HS3ST5: variants seen among roughly 807,000 people sequenced by gnomAD.
The protein encoded by HS3ST5 is heparan sulfate-glucosamine 3-sulfotransferase 5.
HS3ST5 carries 10 observed loss-of-function variants against 25.4 expected under a neutral mutation model. The ratio of observed to expected loss-of-function variants is 0.39; its 90% CI spans 0.24 to 0.67. The LOEUF is 0.67. HS3ST5 is among the 30% of genes least tolerant of loss of function. The probability of loss-of-function intolerance (pLI) is 0.44; values close to 1 mark genes in which losing one functional copy is unlikely to be tolerated. For missense variants in HS3ST5, 324 were observed against 420.7 expected, an observed-to-expected ratio of 0.77 and a Z score of 2.01; for synonymous variants, 170 against 162.4, an observed-to-expected ratio of 1.05 and a Z score of -0.36.
At chr6:114,086,815 T>C (rs1028474826) in intron 3 of HS3ST5, among the ~76,000 whole-genome samples, 2 of 152,214 alleles carry the variant, frequency 1.3e-5, no homozygotes, top group African/African-American at 4.8e-5. Flanking sequence ...AGATACATTG[T>C]GCCTATGACT....
chr6:114,259,168 A>G (rs1281069466), intron 1 of HS3ST5, among the ~76,000 whole-genome samples: 1 of 152,170 alleles, frequency 6.6e-6, no homozygotes. Flanking sequence ...AGAGACTATT[A>G]CATGTTATTG....
At chr6:114,063,023 G>C in intron 3 of HS3ST5, 146 bp from the exon 4 acceptor site, 1 of 556,632 alleles carries the variant, frequency 1.8e-6, no homozygotes, top group Non-Finnish European at 3.2e-6. Context: ...TGATGTAACA[G>C]GTACTTAGCA....
At chr6:114,245,246 A>G (rs916739239) in intron 1 of HS3ST5, among the ~76,000 whole-genome samples, 6 of 152,192 alleles carry the variant, frequency 3.9e-5, no homozygotes, top group African/African-American at 1.4e-4. Context: ...AAAAAGATAA[A>G]TATGCTTTTC....
intron 1 of HS3ST5, among the ~76,000 whole-genome samples, chr6:114,323,131 G>T (rs785141): frequency 6.6e-6 from 1 of 152,046 alleles, no homozygotes. Context: ...CTGGTCATTT[G>T]TTACCTCAAC....
intron 2 of HS3ST5, among the ~76,000 whole-genome samples, chr6:114,171,587 T>C (rs996805103): frequency 6.6e-6 from 1 of 152,224 alleles, no homozygotes; most frequent in African/African-American, 2.4e-5. Flanking sequence ...GGCACTGAAC[T>C]AAATGCTTAA....
At chr6:114,318,760 C>T (rs1042676339) in intron 1 of HS3ST5, among the ~76,000 whole-genome samples, 1 of 152,250 alleles carries the variant, frequency 6.6e-6, no homozygotes. Context: ...AAATGAACCT[C>T]TTGGGGAAAT....
chr6:114,281,298 G>A (rs1774098173), intron 1 of HS3ST5, among the ~76,000 whole-genome samples: 1 of 151,972 alleles, frequency 6.6e-6, no homozygotes, highest in African/African-American at 2.4e-5. Flanking sequence ...TACAAAGTAT[G>A]CCAGTGTAGT....
chr6:114,285,233 T>C (rs747201972), intron 1 of HS3ST5, among the ~76,000 whole-genome samples: 19 of 151,880 alleles, frequency 1.3e-4, no homozygotes, highest in Admixed American at 7.9e-4. Context: ...AAGTGGGAGC[T>C]GAATGATGAG....
intron 3 of HS3ST5, among the ~76,000 whole-genome samples, chr6:114,165,687 G>A (rs989046618): frequency 8.5e-5 from 13 of 152,072 alleles, no homozygotes; most frequent in Non-Finnish European, 1.6e-4. Context: ...TGAACCTCGC[G>A]CTCACTTCAC....
At chr6:114,094,598 G>A (rs748448145) in intron 3 of HS3ST5, among the ~76,000 whole-genome samples, 15 of 152,052 alleles carry the variant, frequency 9.9e-5, no homozygotes, top group African/African-American at 3.4e-4. Flanking sequence ...ATATAATAAC[G>A]ATCCAAGTTA....
At chr6:114,121,431 T>C (rs566735316) in intron 3 of HS3ST5, among the ~76,000 whole-genome samples, 1 of 152,310 alleles carries the variant, frequency 6.6e-6, no homozygotes, top group African/African-American at 2.4e-5. Context: ...TTAATTCTTT[T>C]ACATATTTTT....
rs377652222 is a variant in HS3ST5 at position 114,083,381 on chromosome 6, G to C, written c.-32-20504C>G. Among the ~76,000 whole-genome samples, 11 of 152,248 alleles carry C rather than the reference G, an allele frequency of 7.2e-5. No homozygotes were observed. In the East Asian group the frequency reaches 1.5e-3, roughly 21 times the overall value. Reference sequence around the variant, plus strand: ...CTTCCCTTACCCTCCCAAGGAGCCTGGGAGGCAAAAGAACAAGAGGGAGGT... The same window carrying C: ...CTTCCCTTACCCTCCCAAGGAGCCTCGGAGGCAAAAGAACAAGAGGGAGGT... On this transcript the variant is annotated intron_variant, in intron 3 of 4. Coordinates refer to ENST00000312719, the MANE Select transcript of HS3ST5 (RefSeq NM_153612.4).
intron 3 of HS3ST5, among the ~76,000 whole-genome samples, chr6:114,121,435 T>C (rs1776779945): frequency 1.3e-5 from 2 of 152,190 alleles, no homozygotes; most frequent in Admixed American, 1.3e-4. Flanking sequence ...TTCTTTTACA[T>C]ATTTTTTGCA....
intron 3 of HS3ST5, among the ~76,000 whole-genome samples, chr6:114,112,875 A>G (rs1776334799): frequency 6.6e-6 from 1 of 152,258 alleles, no homozygotes; most frequent in Non-Finnish European, 1.5e-5. Flanking sequence ...TAATGTTTCT[A>G]TTGGTGCACA....
intron 3 of HS3ST5, among the ~76,000 whole-genome samples, chr6:114,136,604 C>A (rs1016528622): frequency 1.3e-5 from 2 of 152,176 alleles, no homozygotes; most frequent in African/African-American, 4.8e-5. Context: ...ACTTGAAATC[C>A]TTCAGTCTCC....
At chr6:114,318,697 T>C (rs1425526063) in intron 1 of HS3ST5, among the ~76,000 whole-genome samples, 1 of 152,186 alleles carries the variant, frequency 6.6e-6, no homozygotes, top group African/African-American at 2.4e-5. Context: ...GTCAGCAGAC[T>C]TGGGTTCAAA....
intron 1 of HS3ST5, among the ~76,000 whole-genome samples, chr6:114,232,874 C>T (rs1337344831): frequency 6.6e-6 from 1 of 152,136 alleles, no homozygotes; most frequent in Admixed American, 6.5e-5. Flanking sequence ...AGTATATTTT[C>T]CACATGGCAT....
intron 2 of HS3ST5, among the ~76,000 whole-genome samples, chr6:114,195,436 G>C (rs1015122198): frequency 3.9e-5 from 6 of 152,080 alleles, no homozygotes; most frequent in African/African-American, 1.4e-4. Flanking sequence ...AGCCAATAAA[G>C]AGTGGTGAGG....
intron 3 of HS3ST5, among the ~76,000 whole-genome samples, chr6:114,126,087 A>G (rs1444918865): frequency 2.0e-5 from 3 of 152,180 alleles, no homozygotes; most frequent in Non-Finnish European, 4.4e-5. Flanking sequence ...CACGATTAAT[A>G]TCATCAGTTC....
Sources: gnomAD v4.1 joint callset for allele counts (sites outside exome capture counted in the v4.1 genomes callset) on GRCh38, gnomAD v4.1.1 for gene constraint, MANE v1.5 for transcripts, NCBI Gene and HGNC (gene_info 2026-07-23, HGNC 2026-07-21) for gene names.